Variants in CFAP20DC observed in about 807,000 individuals in gnomAD.
The protein encoded by CFAP20DC is CFAP20 domain containing, also known as protein CFAP20DC.
Under a neutral mutation model 101.7 loss-of-function variants are expected in CFAP20DC, and 84 were observed. That is an observed-to-expected ratio of 0.83 (90% CI 0.69 to 0.99). The LOEUF (loss-of-function observed/expected upper bound fraction) is 0.99, where lower values mean the gene tolerates loss of function less well. Among genes scored for constraint, CFAP20DC ranks in the 50% least tolerant of loss-of-function variants. The probability of loss-of-function intolerance (pLI) is 0.00; values close to 1 mark genes in which losing one functional copy is unlikely to be tolerated. For synonymous variants in CFAP20DC, 359 were observed against 351.2 expected (o/e 1.02, Z -0.25); for missense variants, 1,007 against 970.3 (o/e 1.04, Z -0.50).
At chr3:58,752,217 G>C (rs1223555000) in intron 16 of CFAP20DC, among the ~76,000 whole-genome samples, 1 of 152,078 alleles carries the variant, frequency 6.6e-6, no homozygotes, top group Non-Finnish European at 1.5e-5. Flanking sequence ...TCAGAAAAGG[G>C]GAAGATGAGT....
rs551327844 is a variant in CFAP20DC, at chr3:59,013,683, A to G, written c.278+25874T>C. ...CTTACCAGGAATAGTAGGATAAGCCAGTTGCTATTTTCTTTCCTGACCAAA... is the reference window on the plus strand; with the variant it reads ...CTTACCAGGAATAGTAGGATAAGCCGGTTGCTATTTTCTTTCCTGACCAAA... On this transcript the variant is annotated intron_variant, in intron 4 of 16. Coordinates refer to ENST00000482387, the MANE Select transcript of CFAP20DC (RefSeq NM_001394063.1). Among the ~76,000 whole-genome samples the G allele has an allele frequency of 4.9e-4, 75 of 152,298 alleles. 1 individual carries two copies. Among genetic ancestry groups the G allele is most frequent in the African/African-American group, 1.7e-3 (69 of 41,578 alleles).
Position 58,722,413 on chromosome 3 carries a change from G to A in CFAP20DC, c.198-4785C>T, listed in dbSNP as rs1485762124. On this transcript the variant is annotated intron_variant, in intron 3 of 3. Coordinates refer to the CFAP20DC transcript ENST00000486145. This position sits in a 1 kb window ranked among gnomAD's most constrained non-coding sequence, Gnocchi z 4.5. Reference sequence around the variant, plus strand: ...GAGGTAACTGGGACGCATGTTAAAGGAGCCATGATAGGCAATTTTGCCCAG... The same window carrying A: ...GAGGTAACTGGGACGCATGTTAAAGAAGCCATGATAGGCAATTTTGCCCAG... 6.6e-6 allele frequency among the ~76,000 whole-genome samples: 1 copy of A among 152,192 alleles called. No individual in the cohort carries two copies. The highest frequency in any genetic ancestry group is 2.4e-5 in the African/African-American group (1 of 41,448).
intron 13 of CFAP20DC, among the ~76,000 whole-genome samples, chr3:58,836,663 G>C (rs1390368354): frequency 6.6e-6 from 1 of 152,044 alleles, no homozygotes. Context: ...GTCAGTATCA[G>C]GCTTGCATTG....
At chr3:58,812,954 T>C (rs973100880) in intron 14 of CFAP20DC, among the ~76,000 whole-genome samples, 1 of 151,812 alleles carries the variant, frequency 6.6e-6, no homozygotes, top group Non-Finnish European at 1.5e-5. Context: ...AAACAAGATA[T>C]CTCATGGAAC....
chr3:58,770,353 C>A (rs1575597999), intron 15 of CFAP20DC, among the ~76,000 whole-genome samples: 2 of 152,174 alleles, frequency 1.3e-5, no homozygotes, highest in East Asian at 3.9e-4. Flanking sequence ...AGACTTTATG[C>A]GGGGTACTGA....
At chr3:58,963,899 C>T (rs2091346806) in intron 4 of CFAP20DC, among the ~76,000 whole-genome samples, 1 of 152,108 alleles carries the variant, frequency 6.6e-6, no homozygotes, top group Non-Finnish European at 1.5e-5. Flanking sequence ...GCAGTTTACA[C>T]ACAACTGACC....
chr3:58,765,329 C>T (rs1198795084), intron 15 of CFAP20DC, among the ~76,000 whole-genome samples: 1 of 151,802 alleles, frequency 6.6e-6, no homozygotes, highest in Non-Finnish European at 1.5e-5. Flanking sequence ...TATATAAGAG[C>T]AAGTTAGCTT....
At chr3:58,942,351 T>A (rs2088725329) in intron 4 of CFAP20DC, among the ~76,000 whole-genome samples, 1 of 152,208 alleles carries the variant, frequency 6.6e-6, no homozygotes, top group South Asian at 2.1e-4. Flanking sequence ...GCAGGTGATT[T>A]CTGCATTTCC....
At chr3:59,040,279 T>C (rs992466131) in intron 3 of CFAP20DC, among the ~76,000 whole-genome samples, 1 of 152,030 alleles carries the variant, frequency 6.6e-6, no homozygotes, top group Non-Finnish European at 1.5e-5. Context: ...GGATTAAAAA[T>C]ATTTGCAGAG....
At position 58,874,355 on chromosome 3, in the gene CFAP20DC, T is replaced by C. The variant is rs1275504934; in HGVS notation, c.716-4046A>G. On this transcript the variant is annotated intron_variant, in intron 7 of 16. Transcript: ENST00000482387. The surrounding 1 kb of genome is among the most constrained non-coding windows in gnomAD (Gnocchi z 5.1). Reference sequence around the variant, plus strand: ...TTACTGTGTCCACGCTGGTGCCCCATGCCATCCCTCCTCCAAAATGCAGCC... The same window carrying C: ...TTACTGTGTCCACGCTGGTGCCCCACGCCATCCCTCCTCCAAAATGCAGCC... Among the ~76,000 whole-genome samples, 2 of 152,178 alleles carry C rather than the reference T, an allele frequency of 1.3e-5. No individual in the cohort carries two copies. Among genetic ancestry groups the C allele is most frequent in the Non-Finnish European group, 2.9e-5 (2 of 68,032 alleles).
intron 5 of CFAP20DC, among the ~76,000 whole-genome samples, chr3:58,928,860 T>C (rs1278681149): frequency 1.3e-5 from 2 of 152,216 alleles, no homozygotes; most frequent in African/African-American, 4.8e-5. Context: ...GTCACTAATA[T>C]GATTTCTTCA....
chr3:58,769,193 G>T (rs1263631925), intron 15 of CFAP20DC, among the ~76,000 whole-genome samples: 1 of 152,180 alleles, frequency 6.6e-6, no homozygotes, highest in Non-Finnish European at 1.5e-5. Flanking sequence ...GGGGAAGAGT[G>T]CCCCTGACTT....
At chr3:58,758,151 GTTTT>G in intron 15 of CFAP20DC, among the ~76,000 whole-genome samples, 1 of 152,074 alleles carries the variant, frequency 6.6e-6, no homozygotes, top group South Asian at 2.1e-4. Flanking sequence ...TTGTTTGTTT[GTTTT>G]GTTTTTTATT....
rs1575999221 is a variant in CFAP20DC at position 58,862,610 on chromosome 3, C to T, written c.1593+948G>A. 13 of 985,376 alleles carry T rather than the reference C, an allele frequency of 1.3e-5. No individual in the cohort carries two copies. In the South Asian group the frequency reaches 2.8e-4, roughly 21 times the overall value. The allele number at this position is 985,376 out of a possible 1,614,324, so 61.0% of individuals were successfully genotyped here. On this transcript the variant is annotated intron_variant, in intron 12 of 16. Transcript: ENST00000482387. ...ATCCCACTATATTCTCAACTGCCTCCGAAGGTTGGTGCTATGGACTTAATC... is the reference window on the plus strand; with the variant it reads ...ATCCCACTATATTCTCAACTGCCTCTGAAGGTTGGTGCTATGGACTTAATC...
At chr3:58,762,044 C>G (rs1459706752) in intron 15 of CFAP20DC, among the ~76,000 whole-genome samples, 2 of 152,110 alleles carry the variant, frequency 1.3e-5, no homozygotes, top group Non-Finnish European at 2.9e-5. Flanking sequence ...CTGTAGATGT[C>G]TATTAGGTCT....
chr3:58,751,285 T>C (rs2068545991), intron 16 of CFAP20DC, among the ~76,000 whole-genome samples: 1 of 152,142 alleles, frequency 6.6e-6, no homozygotes, highest in East Asian at 1.9e-4. Context: ...CAGATTATGT[T>C]AGAAGGTGAA....
chr3:58,998,264 G>T (rs1333134249), intron 4 of CFAP20DC, among the ~76,000 whole-genome samples: 1 of 152,182 alleles, frequency 6.6e-6, no homozygotes, highest in East Asian at 1.9e-4. Flanking sequence ...TAGGAGCAAA[G>T]ATTCTGAAGT....
intron 14 of CFAP20DC, among the ~76,000 whole-genome samples, chr3:58,822,833 C>T (rs982749037): frequency 6.6e-6 from 1 of 152,048 alleles, no homozygotes; most frequent in Non-Finnish European, 1.5e-5. Context: ...TCCTGTTCTC[C>T]CCTGCAGCTG....
At chr3:58,822,878 C>A (rs1342224217) in intron 14 of CFAP20DC, among the ~76,000 whole-genome samples, 2 of 152,094 alleles carry the variant, frequency 1.3e-5, no homozygotes, top group Admixed American at 6.6e-5. Context: ...CTGAACACCC[C>A]CTGGAGCAGG....
Sources: allele counts gnomAD v4.1 joint callset (sites outside exome capture counted in the v4.1 genomes callset), GRCh38; gene constraint gnomAD v4.1.1; non-coding constraint Gnocchi (gnomAD v3.1); transcripts MANE v1.5; gene names NCBI Gene and HGNC (gene_info 2026-07-23, HGNC 2026-07-21).